Variants in FAM193B observed in about 807,000 individuals in gnomAD.
The protein encoded by FAM193B is family with sequence similarity 193 member B, also known as protein FAM193B.
FAM193B carries 27 observed loss-of-function variants against 70.7 expected under a neutral mutation model. The ratio of observed to expected loss-of-function variants is 0.38; its 90% CI spans 0.28 to 0.53. The LOEUF is 0.53. FAM193B is among the 20% of genes least tolerant of loss of function. FAM193B has a pLI of 0.81. For missense variants in FAM193B, 1,022 were observed against 1,072.5 expected (o/e 0.95, Z 0.66); for synonymous variants, 448 against 436.0 (o/e 1.03, Z -0.34).
chr5:177,533,953 G>A (rs1275204941), intron 4 of FAM193B, among the ~76,000 whole-genome samples: 5 of 152,244 alleles, frequency 3.3e-5, no homozygotes, highest in Non-Finnish European at 7.3e-5. Context: ...TATTTTCCCA[G>A]GGTAAGAATG....
chr5:177,529,941 A>G (rs1763199114), intron 5 of FAM193B, among the ~76,000 whole-genome samples: 1 of 152,268 alleles, frequency 6.6e-6, no homozygotes, highest in East Asian at 1.9e-4. Flanking sequence ...GCGGCGGGAG[A>G]AGGATCCTGG....
At chr5:177,528,268 C>G (rs1040569554) in intron 5 of FAM193B, among the ~76,000 whole-genome samples, 1 of 152,160 alleles carries the variant, frequency 6.6e-6, no homozygotes, top group Non-Finnish European at 1.5e-5. Flanking sequence ...AAAAAAGTCA[C>G]CGGTGACTCT....
chr5:177,552,973 G>T (rs564487532), intron 1 of FAM193B, among the ~76,000 whole-genome samples: 1 of 152,158 alleles, frequency 6.6e-6, no homozygotes, highest in Non-Finnish European at 1.5e-5. Context: ...GAGAAAGATG[G>T]CATAGCCTGT....
intron 8 of FAM193B, among the ~76,000 whole-genome samples, chr5:177,521,457 CCCATCAACTCCT>C (rs1470811478): frequency 6.6e-6 from 1 of 152,154 alleles, no homozygotes; most frequent in Non-Finnish European, 1.5e-5. Context: ...TTGGGTAGCC[CCCATCAACTCCT>C]CCATGCCTAA....
intron 5 of FAM193B, among the ~76,000 whole-genome samples, chr5:177,530,936 C>T (rs1165861719): frequency 2.0e-5 from 3 of 152,186 alleles, no homozygotes; most frequent in African/African-American, 7.2e-5. Context: ...TGTCAGTCTC[C>T]CCACTGGACA....
At chr5:177,545,134 C>T (rs1765259952) in intron 1 of FAM193B, among the ~76,000 whole-genome samples, 1 of 152,134 alleles carries the variant, frequency 6.6e-6, no homozygotes, top group South Asian at 2.1e-4. Flanking sequence ...ACCTCCACCT[C>T]CCATGTTCAA....
intron 1 of FAM193B, chr5:177,553,123 G>A (rs1766517749): frequency 1.0e-6 from 1 of 976,298 alleles, no homozygotes; most frequent in Non-Finnish European, 1.2e-6. Flanking sequence ...GGGGAGGTCA[G>A]GGGAGGCTTT....
At chr5:177,547,531 G>A (rs1441714726) in intron 1 of FAM193B, among the ~76,000 whole-genome samples, 1 of 151,722 alleles carries the variant, frequency 6.6e-6, no homozygotes, top group East Asian at 1.9e-4. Flanking sequence ...TGATCCTCCC[G>A]TCTCGGCCTC....
At chr5:177,552,331 T>G (rs147673080) in intron 1 of FAM193B, among the ~76,000 whole-genome samples, 1 of 152,074 alleles carries the variant, frequency 6.6e-6, no homozygotes, top group Non-Finnish European at 1.5e-5. Context: ...GGTGGGAAGA[T>G]TAGAAGTAAG....
At chr5:177,520,709 A>G (rs1489080042) in intron 8 of FAM193B, among the ~76,000 whole-genome samples, 1 of 152,184 alleles carries the variant, frequency 6.6e-6, no homozygotes, top group Non-Finnish European at 1.5e-5. Flanking sequence ...CTCAGTAGGG[A>G]TAACAGATGA....
chr5:177,524,450 G>A lies in FAM193B; in HGVS notation c.2031C>T (p.Val677=). 2.5e-6 allele frequency: 4 copies of A among 1,610,440 alleles called. No homozygotes were observed. The highest frequency in any genetic ancestry group is 3.4e-6 in the Non-Finnish European group (4 of 1,178,518). ...QVAGPKQPGR[V]LELPKVGSCA... is the part of the protein sequence containing the mutation. ...AGCTGCCTACTTTGGGAAGCTCTAG[G>A]ACCCTGCCTGGCTGCTTGGGGCCAG... Residue 677 remains valine, a synonymous_variant, in exon 6 of 9, where the codon GTC becomes GTT. Coordinates refer to ENST00000514747, the MANE Select transcript of FAM193B (RefSeq NM_001190946.3).
At chr5:177,554,201 GGAAGGTGAA>G (rs1766733861) in intron 1 of FAM193B, 39 bp downstream of exon 1, 10 of 1,485,208 alleles carry the variant, frequency 6.7e-6, no homozygotes, top group Middle Eastern at 1.9e-4. Context: ...TCCCGCTCGG[GGAAGGTGAA>G]AGCGCCCGAG....
chr5:177,525,140 C>T lies in FAM193B; in HGVS notation c.1341G>A (p.Arg447=). Residue 447 remains arginine, a synonymous_variant, in exon 6 of 9, where the codon CGG becomes CGA. Coordinates refer to ENST00000514747, the MANE Select transcript of FAM193B (RefSeq NM_001190946.3). ...LKQANRVSGS[R]EPRPARERLL... is the part of the protein sequence containing the mutation. ...GCCTCTCCCTGGCAGGCCTTGGCTC[C>T]CGGCTTCCAGAAACACGATTTGCCT... 1 of 1,535,570 alleles carries T rather than the reference C, an allele frequency of 6.5e-7. No individual in the cohort carries two copies. The highest frequency in any genetic ancestry group is 8.7e-7 in the Non-Finnish European group (1 of 1,142,902).
intron 1 of FAM193B, among the ~76,000 whole-genome samples, chr5:177,540,620 G>C (rs371164132): frequency 1.3e-5 from 2 of 152,242 alleles, no homozygotes; most frequent in East Asian, 3.8e-4. Context: ...CTAGCTGCTG[G>C]AGGGATGTGA....
intron 5 of FAM193B, 112 bp from the exon 6 acceptor site, chr5:177,525,317 G>T: frequency 8.6e-7 from 1 of 1,163,838 alleles, no homozygotes; most frequent in Non-Finnish European, 1.1e-6. Flanking sequence ...TGGAAGCAAA[G>T]CCTTAAAATC....
Position 177,554,425 on chromosome 5 carries a change from C to T in FAM193B, c.34G>A (p.Ala12Thr), listed in dbSNP as rs1259281032. Reference sequence around the variant, plus strand: ...GCCCGAGCCCGCTCGCGCCTGCCCGCACCGCCGCTCGGCCTGCTCCGCCTC... The same window carrying T: ...GCCCGAGCCCGCTCGCGCCTGCCCGTACCGCCGCTCGGCCTGCTCCGCCTC... ...TRRRSRPSGG[A>T]GRRERARAAG... Residue 12 changes from alanine (A) to threonine (T), a missense_variant, in exon 1 of 9, where the codon GCG becomes ACG. Ala to Thr is a moderately conservative substitution (Grantham distance 58). Transcript: ENST00000514747. 2 of 1,089,162 alleles carry T rather than the reference C, an allele frequency of 1.8e-6. No individual in the cohort carries two copies. Among genetic ancestry groups the T allele is most frequent in the Non-Finnish European group, 2.2e-6 (2 of 898,486 alleles). 67.5% of individuals were successfully genotyped at this position (1,089,162 alleles called of 1,614,324 possible).
chr5:177,530,915 G>C (rs1472321094), intron 5 of FAM193B, among the ~76,000 whole-genome samples: 1 of 152,202 alleles, frequency 6.6e-6, no homozygotes, highest in African/African-American at 2.4e-5. Flanking sequence ...TAATATGCTT[G>C]TCCAGTTTTG....
At chr5:177,545,186 G>A (rs1765265664) in intron 1 of FAM193B, among the ~76,000 whole-genome samples, 1 of 152,134 alleles carries the variant, frequency 6.6e-6, no homozygotes, top group Non-Finnish European at 1.5e-5. Context: ...TAGGATTACA[G>A]GCGCCTGCCA....
Position 177,523,941 on chromosome 5 carries a change from G to A in FAM193B, c.2372+16C>T, listed in dbSNP as rs751843687. On this transcript the variant is annotated intron_variant, in intron 7 of 8. Transcript: ENST00000514747. ...GGAGTCCTCCACAAGTGGGAGAGCA[G>A]GCAGCCCACACCTACCTCTTAAAGT... 3.1e-6 allele frequency: 5 copies of A among 1,613,744 alleles called. No individual in the cohort carries two copies. The highest frequency in any genetic ancestry group is 2.2e-5 in the East Asian group (1 of 44,898).
Sources: gnomAD v4.1 joint callset for allele counts (sites outside exome capture counted in the v4.1 genomes callset) on GRCh38, gnomAD v4.1.1 for gene constraint, MANE v1.5 for transcripts, NCBI Gene and HGNC (gene_info 2026-07-23, HGNC 2026-07-21) for gene names.